The following TARDBP variants were observed in gnomAD, a reference collection of about 807,000 sequenced individuals.
TARDBP encodes the protein TAR DNA binding protein.
A neutral mutation model predicts 38.3 loss-of-function variants in TARDBP; 4 were observed. The ratio of observed to expected loss-of-function variants is 0.10; its 90% CI spans 0.05 to 0.24. The LOEUF (loss-of-function observed/expected upper bound fraction) is 0.24. Among genes scored for constraint, TARDBP ranks in the 10% least tolerant of loss-of-function variants. The pLI is 1.00. For synonymous variants in TARDBP, 184 were observed against 183.8 expected (o/e 1.00, Z -0.01); for missense variants, 202 against 521.9 (o/e 0.39, Z 5.97).
Position 11,023,653 on chromosome 1 carries a change from T to C in TARDBP, c.*999T>C, listed in dbSNP as rs1643681583. ...TGCATTCAAAGGACATCCACATCTG[T>C]TGGAAGACTTTTAAGTGAGTTTTTG... is the stretch of plus-strand genomic sequence containing the variant. On this transcript the variant is annotated 3_prime_UTR_variant, in exon 6 of 6. Coordinates refer to ENST00000240185, the MANE Select transcript of TARDBP (RefSeq NM_007375.4). 9.2e-6 allele frequency: 2 copies of C among 217,884 alleles called. No individual in the cohort carries two copies. Among genetic ancestry groups the C allele is most frequent in the East Asian group, 2.0e-4 (2 of 10,246 alleles). 13.5% of individuals were successfully genotyped at this position (217,884 alleles called of 1,614,324 possible).
chr1:11,022,011 A>G lies in TARDBP; in HGVS notation c.715-113A>G. On this transcript the variant is annotated intron_variant, in intron 5 of 5. Transcript: ENST00000240185. The surrounding 1 kb of genome is among the most constrained non-coding windows in gnomAD (Gnocchi z 4.5). ...TAAATGAAATGAGTGTTCATTGCTT[A>G]TTTTTCCTCTGGCTTTAGATAAATT... 1 of 1,284,974 alleles carries G rather than the reference A, an allele frequency of 7.8e-7. No homozygotes were observed. Among genetic ancestry groups the G allele is most frequent in the Non-Finnish European group, 1.1e-6 (1 of 900,478 alleles). 79.6% of individuals were successfully genotyped at this position (1,284,974 alleles called of 1,614,324 possible). A position where few individuals can be genotyped will look rare whatever the true frequency, so the allele number is the denominator to read the frequency against.
chr1:11,029,170 T>C (rs1375627328), downstream of TARDBP, among the ~76,000 whole-genome samples: 1 of 18,192 alleles, frequency 5.5e-5, no homozygotes, highest in Admixed American at 1.1e-3. Flanking sequence ...TTTTTTGTAT[T>C]TTTTTTTTTT....
downstream of TARDBP, chr1:11,027,050 G>A (rs878893091): frequency 1.9e-6 from 3 of 1,593,712 alleles, no homozygotes; most frequent in Admixed American, 5.2e-5. Context: ...CCCCTCCGCT[G>A]TCACCTCTGC....
intron 4 of TARDBP, 60 bp downstream of exon 4, chr1:11,018,933 TA>T: frequency 5.0e-6 from 8 of 1,610,232 alleles, no homozygotes; most frequent in Non-Finnish European, 6.8e-6. Flanking sequence ...GATTGTAAGA[TA>T]AAATGTTAAA....
chr1:11,015,691 C>T (rs1299385325), intron 2 of TARDBP: 1 of 151,708 alleles, frequency 6.6e-6, no homozygotes, highest in African/African-American at 2.4e-5. Flanking sequence ...ATTATCTCCC[C>T]TTCTCTTCTA....
At chr1:11,017,749 T>A in intron 3 of TARDBP, among the ~76,000 whole-genome samples, 1 of 152,232 alleles carries the variant, frequency 6.6e-6, no homozygotes, top group South Asian at 2.1e-4. Flanking sequence ...GAATTCATTC[T>A]AAGACATTCT....
intron 4 of TARDBP, chr1:11,019,162 T>C (rs1643586436): frequency 1.4e-5 from 6 of 428,444 alleles, no homozygotes; most frequent in South Asian, 1.1e-4. Flanking sequence ...TACATAGTTA[T>C]ATGTTAAAAC....
intron 1 of TARDBP, among the ~76,000 whole-genome samples, chr1:11,013,064 C>G (rs774718667): frequency 6.6e-6 from 1 of 152,214 alleles, no homozygotes; most frequent in Non-Finnish European, 1.5e-5. Context: ...GCTCCTGCGC[C>G]CCACCCCGGG....
In TARDBP at chr1:11,023,363, T is replaced by C; in HGVS notation, c.*709T>C. 1 of 1,148,432 alleles carries C rather than the reference T, an allele frequency of 8.7e-7. No individual in the cohort carries two copies. The highest frequency in any genetic ancestry group is 1.4e-5 in the South Asian group (1 of 72,316). The allele number at this position is 1,148,432 out of a possible 1,614,324, so 71.1% of individuals were successfully genotyped here. A position where few individuals can be genotyped will look rare whatever the true frequency, so the allele number is the denominator to read the frequency against. ...CCCATTTTTATCCGCTACTCTTTATTTCATGGAGTCGTATCAACGCTATGA... is the reference window on the plus strand; with the variant it reads ...CCCATTTTTATCCGCTACTCTTTATCTCATGGAGTCGTATCAACGCTATGA... On this transcript the variant is annotated 3_prime_UTR_variant, in exon 6 of 6. Transcript: ENST00000240185.
chr1:11,019,349 G>A (rs1313554720), intron 4 of TARDBP, among the ~76,000 whole-genome samples: 1 of 152,146 alleles, frequency 6.6e-6, no homozygotes, highest in Non-Finnish European at 1.5e-5. Flanking sequence ...TCAGTCAGCA[G>A]CAGACCTCGT....
At chr1:11,019,451 G>A (rs781090563) in intron 4 of TARDBP, among the ~76,000 whole-genome samples, 7 of 152,118 alleles carry the variant, frequency 4.6e-5, no homozygotes, top group South Asian at 2.1e-4. Flanking sequence ...TGTTATAGTC[G>A]CCTACAGTGT....
chr1:11,029,225 C>A (rs572929569), downstream of TARDBP, among the ~76,000 whole-genome samples: 1 of 151,496 alleles, frequency 6.6e-6, no homozygotes, highest in South Asian at 2.1e-4. Context: ...TGGTCTCGAT[C>A]TCCTGACCTC....
chr1:11,026,993 TCCTC>T (rs762669587), downstream of TARDBP: 3 of 1,595,830 alleles, frequency 1.9e-6, no homozygotes, highest in South Asian at 3.4e-5. Flanking sequence ...AGGACACTAT[TCCTC>T]CCACAAACCA....
chr1:11,017,280 T>C (rs1020945307), intron 3 of TARDBP, among the ~76,000 whole-genome samples: 1 of 151,206 alleles, frequency 6.6e-6, no homozygotes, highest in African/African-American at 2.4e-5. Context: ...CTTGGCTCAC[T>C]GCAACCTCCA....
At chr1:11,014,114 C>T (rs2100838852) in intron 2 of TARDBP, 149 bp downstream of exon 2, 2 of 828,502 alleles carry the variant, frequency 2.4e-6, no homozygotes, top group Admixed American at 3.5e-5. Flanking sequence ...TGGAAGACCA[C>T]GAGTCTAAAT....
At chr1:11,020,404 T>A (rs1318375774) in intron 4 of TARDBP, 25 bp from the exon 5 acceptor site, 1 of 1,614,094 alleles carries the variant, frequency 6.2e-7, no homozygotes, top group Non-Finnish European at 8.5e-7. Context: ...TTTCTGAGTT[T>A]TTTTCTTCCT....
intron 2 of TARDBP, among the ~76,000 whole-genome samples, chr1:11,014,182 T>C (rs1643469836): frequency 6.6e-6 from 1 of 152,210 alleles, no homozygotes; most frequent in African/African-American, 2.4e-5. Context: ...ATTTAAAAAA[T>C]ATCTGAATAA....
intron 3 of TARDBP, 30 bp from the exon 4 acceptor site, chr1:11,018,703 T>C (rs768450786): frequency 5.0e-6 from 8 of 1,613,974 alleles, no homozygotes; most frequent in Non-Finnish European, 5.9e-6. Flanking sequence ...TATGTGCACT[T>C]TTAGAGTAAA....
Position 11,013,748 on chromosome 1 carries a change from A to G in TARDBP, c.21A>G (p.Val7=). Reference sequence around the variant, plus strand: ...AAAAGATGTCTGAATATATTCGGGTAACCGAAGATGAGAACGATGAGCCCA... The same window carrying G: ...AAAAGATGTCTGAATATATTCGGGTGACCGAAGATGAGAACGATGAGCCCA... MSEYIR[V]TEDENDEPIE... Residue 7 remains valine, a synonymous_variant, in exon 2 of 6, where the codon GTA becomes GTG. Coordinates refer to ENST00000240185, the MANE Select transcript of TARDBP (RefSeq NM_007375.4). The G allele has an allele frequency of 6.2e-7, 1 of 1,610,908 alleles. No homozygotes were observed. The highest frequency in any genetic ancestry group is 8.5e-7 in the Non-Finnish European group (1 of 1,178,260).
Sources: allele counts gnomAD v4.1 joint callset (sites outside exome capture counted in the v4.1 genomes callset), GRCh38; gene constraint gnomAD v4.1.1; non-coding constraint Gnocchi (gnomAD v3.1); transcripts MANE v1.5; gene names NCBI Gene and HGNC (gene_info 2026-07-23, HGNC 2026-07-21).